CDH22: variants seen among roughly 807,000 people sequenced by gnomAD.
CDH22 encodes the protein cadherin 22, also known as cadherin-22.
In CDH22, 30 loss-of-function variants were observed where a neutral mutation model predicts 58.4. The observed-to-expected ratio is 0.51, with a 90% CI of 0.38 to 0.70. The LOEUF is 0.70. CDH22 is among the 30% of genes least tolerant of loss of function. The probability of loss-of-function intolerance (pLI) is 0.00; values close to 1 mark genes in which losing one functional copy is unlikely to be tolerated. For missense variants in CDH22, 1,014 were observed against 1,233.9 expected (o/e 0.82, Z 2.67); for synonymous variants, 513 against 558.2 (o/e 0.92, Z 1.14).
chr20:46,256,579 C>T (rs974924905), intron 1 of CDH22, among the ~76,000 whole-genome samples: 1 of 152,060 alleles, frequency 6.6e-6, no homozygotes, highest in Admixed American at 6.5e-5. Context: ...GAAGCAGCAG[C>T]AGATGAGGTC....
intron 7 of CDH22, among the ~76,000 whole-genome samples, chr20:46,199,948 T>TC (rs11474557): frequency 0.065 from 361 of 5,566 alleles, 2 homozygotes; most frequent in African/African-American, 0.23. Flanking sequence ...CTTCCTTCTT[T>TC]TTCTTTTTTG....
At chr20:46,290,414 G>C (rs189103546) in intron 1 of CDH22, among the ~76,000 whole-genome samples, 1 of 152,128 alleles carries the variant, frequency 6.6e-6, no homozygotes, top group Non-Finnish European at 1.5e-5. Context: ...TACAATGCCC[G>C]GGACAGCCCT....
At chr20:46,222,167 A>C (rs1185728252) in intron 4 of CDH22, among the ~76,000 whole-genome samples, 1 of 152,198 alleles carries the variant, frequency 6.6e-6, no homozygotes, top group Non-Finnish European at 1.5e-5. Flanking sequence ...CACATTTTGG[A>C]GATGCCTTGC....
chr20:46,244,184 C>T (rs1267882259), intron 2 of CDH22, among the ~76,000 whole-genome samples: 5 of 152,170 alleles, frequency 3.3e-5, no homozygotes, highest in African/African-American at 1.2e-4. Flanking sequence ...GACTCAGACC[C>T]CAGGCAGGGC....
intron 1 of CDH22, among the ~76,000 whole-genome samples, chr20:46,253,264 G>A (rs973473176): frequency 1.3e-5 from 2 of 152,236 alleles, no homozygotes; most frequent in African/African-American, 4.8e-5. Context: ...TAATTCCCCA[G>A]TGCTTTTTTT....
At chr20:46,181,715 TTTTCC>T (rs1301613452) in intron 10 of CDH22, among the ~76,000 whole-genome samples, 8 of 54,574 alleles carry the variant, frequency 1.5e-4, no homozygotes, top group African/African-American at 5.4e-4. Context: ...TTCTTTCTTT[TTTTCC>T]TTCCTTCCTT....
At chr20:46,233,446 A>G (rs1169412312) in intron 3 of CDH22, among the ~76,000 whole-genome samples, 1 of 152,172 alleles carries the variant, frequency 6.6e-6, no homozygotes, top group Non-Finnish European at 1.5e-5. Context: ...TTTGTTTCGG[A>G]CTGCAACATT....
Position 46,174,454 on chromosome 20 carries a change from C to T in CDH22, c.*52G>A. ...GGGGGAAACGCGTTGTCCTGGGGCC[C>T]CGGCGTGTGCTGGGCGGGTGAGCAG... is the stretch of plus-strand genomic sequence containing the variant. On this transcript the variant is annotated 3_prime_UTR_variant, in exon 12 of 12. Transcript: ENST00000537909. The surrounding 1 kb of genome is among the most constrained non-coding windows in gnomAD (Gnocchi z 4.4). The T allele has an allele frequency of 7.8e-7, 1 of 1,283,568 alleles. No individual in the cohort carries two copies. The highest frequency in any genetic ancestry group is 1.0e-6 in the Non-Finnish European group (1 of 980,088). The allele number at this position is 1,283,568 out of a possible 1,614,324, so 79.5% of individuals were successfully genotyped here. A position where few individuals can be genotyped will look rare whatever the true frequency, so the allele number is the denominator to read the frequency against.
intron 1 of CDH22, among the ~76,000 whole-genome samples, chr20:46,272,543 G>A (rs1414267540): frequency 6.6e-6 from 1 of 152,202 alleles, no homozygotes; most frequent in Non-Finnish European, 1.5e-5. Flanking sequence ...TGAAATAGGG[G>A]AGGAGAAGGA....
chr20:46,252,933 C>T (rs1032592969), intron 1 of CDH22, among the ~76,000 whole-genome samples: 4 of 152,080 alleles, frequency 2.6e-5, no homozygotes, highest in South Asian at 4.2e-4. Flanking sequence ...TTGGAGGAGG[C>T]GGCATCTGAG....
At chr20:46,255,220 C>G (rs2145742277) in intron 1 of CDH22, among the ~76,000 whole-genome samples, 1 of 152,204 alleles carries the variant, frequency 6.6e-6, no homozygotes, top group African/African-American at 2.4e-5. Context: ...TGGGGTTTCA[C>G]AGGCTGTTCT....
intron 1 of CDH22, among the ~76,000 whole-genome samples, chr20:46,265,408 C>T (rs564733130): frequency 1.3e-5 from 2 of 152,122 alleles, no homozygotes; most frequent in African/African-American, 4.8e-5. Context: ...CATAGTTTAA[C>T]GAAAAGTCAT....
intron 1 of CDH22, among the ~76,000 whole-genome samples, chr20:46,305,056 C>G (rs951086689): frequency 6.6e-6 from 1 of 152,216 alleles, no homozygotes; most frequent in African/African-American, 2.4e-5. Flanking sequence ...AGCCATGCCT[C>G]CAGCCTTCCT....
At chr20:46,226,508 C>G (rs1048643873) in intron 4 of CDH22, among the ~76,000 whole-genome samples, 2 of 151,958 alleles carry the variant, frequency 1.3e-5, no homozygotes, top group African/African-American at 4.8e-5. Context: ...GTCTCAAACT[C>G]CTGAACTCAA....
At chr20:46,259,752 G>C (rs188072634) in intron 1 of CDH22, among the ~76,000 whole-genome samples, 6 of 152,294 alleles carry the variant, frequency 3.9e-5, no homozygotes, top group Admixed American at 3.9e-4. Flanking sequence ...GAACAAGCAT[G>C]AGCAGAGGAA....
rs1439648112 is a variant in CDH22 at position 46,174,319 on chromosome 20, C to T, written c.*187G>A. On this transcript the variant is annotated 3_prime_UTR_variant, in exon 12 of 12. Transcript: ENST00000537909. This position sits in a 1 kb window ranked among gnomAD's most constrained non-coding sequence, Gnocchi z 4.4. The stretch of plus-strand genomic sequence containing the variant: ...GGTCAGAATCCCGCACCTCTGGGCT[C>T]CAAAGCTGCACCCCTAGAGGAGGAG... 3 of 524,604 alleles carry T rather than the reference C, an allele frequency of 5.7e-6. No individual in the cohort carries two copies. Among genetic ancestry groups the T allele is most frequent in the Non-Finnish European group, 6.6e-6 (2 of 302,814 alleles). The allele number at this position is 524,604 out of a possible 1,614,324, so 32.5% of individuals were successfully genotyped here.
chr20:46,306,403 GA>G (rs1283402726), intron 1 of CDH22, among the ~76,000 whole-genome samples: 1 of 152,250 alleles, frequency 6.6e-6, no homozygotes, highest in Non-Finnish European at 1.5e-5. Context: ...TAGGAATAGG[GA>G]AAGGGGTTGT....
intron 1 of CDH22, among the ~76,000 whole-genome samples, chr20:46,254,953 C>A (rs975152217): frequency 6.6e-6 from 1 of 152,104 alleles, no homozygotes; most frequent in Non-Finnish European, 1.5e-5. Flanking sequence ...GGAGAAGGCA[C>A]GCTTGTTGTA....
chr20:46,240,106 G>T (rs6074073), intron 3 of CDH22, among the ~76,000 whole-genome samples: 1 of 152,034 alleles, frequency 6.6e-6, no homozygotes, highest in African/African-American at 2.4e-5. Flanking sequence ...TCTGTCCCTA[G>T]CTGGCTGGAT....
Sources: gnomAD v4.1 joint callset for allele counts (sites outside exome capture counted in the v4.1 genomes callset) on GRCh38, gnomAD v4.1.1 for gene constraint, Gnocchi (gnomAD v3.1) non-coding constraint, MANE v1.5 for transcripts, NCBI Gene and HGNC (gene_info 2026-07-23, HGNC 2026-07-21) for gene names.